Variants in SKAP1 observed in about 807,000 individuals in gnomAD.
The protein encoded by SKAP1 is src kinase-associated phosphoprotein 1.
In SKAP1, 44 loss-of-function variants were observed where a neutral mutation model predicts 58.5. The ratio of observed to expected loss-of-function variants is 0.75; its 90% CI spans 0.59 to 0.97. SKAP1 has a LOEUF of 0.97. SKAP1 is among the 50% of genes least tolerant of loss of function. The probability of loss-of-function intolerance (pLI) is 0.00; values close to 1 mark genes in which losing one functional copy is unlikely to be tolerated. For missense variants in SKAP1, 390 were observed against 435.2 expected (o/e 0.90, Z 0.92); for synonymous variants, 127 against 149.7 (o/e 0.85, Z 1.11).
chr17:48,368,209 A>T (rs2067035168), intron 2 of SKAP1, among the ~76,000 whole-genome samples: 2 of 152,184 alleles, frequency 1.3e-5, no homozygotes, highest in Admixed American at 1.3e-4. Context: ...TCCCTGCTGG[A>T]CACCTTTAAG....
At chr17:48,365,217 G>A (rs1449389465) in intron 2 of SKAP1, among the ~76,000 whole-genome samples, 47 of 151,872 alleles carry the variant, frequency 3.1e-4, no homozygotes, top group Non-Finnish European at 1.5e-5. Flanking sequence ...CAAAGTGTTG[G>A]GATTGCAGGG....
chr17:48,206,929 G>A (rs960478193), intron 4 of SKAP1, among the ~76,000 whole-genome samples: 21 of 152,086 alleles, frequency 1.4e-4, no homozygotes, highest in Admixed American at 1.3e-3. Context: ...GGGACTACAG[G>A]TACACACCAT....
intron 2 of SKAP1, among the ~76,000 whole-genome samples, chr17:48,370,292 C>T (rs1020605258): frequency 3.3e-5 from 5 of 152,020 alleles, no homozygotes; most frequent in South Asian, 2.1e-4. Flanking sequence ...TCACACCAAT[C>T]AGAATGGCTA....
chr17:48,434,699 A>C (rs1212576305), upstream of SKAP1, among the ~76,000 whole-genome samples: 7 of 152,182 alleles, frequency 4.6e-5, no homozygotes, highest in Non-Finnish European at 1.0e-4. Context: ...CAGACCCAGC[A>C]CTATACCCAG....
At chr17:48,281,590 T>G (rs17621689) in intron 4 of SKAP1, among the ~76,000 whole-genome samples, 12,778 of 152,296 alleles carry the variant, frequency 0.084, 700 homozygotes, top group East Asian at 0.2. Context: ...AAGGAAAATC[T>G]AATTTAGGTA....
intron 4 of SKAP1, among the ~76,000 whole-genome samples, chr17:48,246,834 A>T (rs1446588643): frequency 1.3e-5 from 2 of 152,206 alleles, no homozygotes; most frequent in African/African-American, 4.8e-5. Flanking sequence ...TGGGTGCATA[A>T]CTTATCTCCC....
At chr17:48,233,435 G>C (rs2065145463) in intron 4 of SKAP1, among the ~76,000 whole-genome samples, 1 of 152,166 alleles carries the variant, frequency 6.6e-6, no homozygotes, top group Non-Finnish European at 1.5e-5. Flanking sequence ...CAAAGGTTTG[G>C]TGATGGAACT....
chr17:48,179,153 C>T (rs537657126), intron 9 of SKAP1, among the ~76,000 whole-genome samples: 4 of 152,318 alleles, frequency 2.6e-5, no homozygotes, highest in Admixed American at 2.6e-4. Flanking sequence ...GATTGAGGTT[C>T]ATCTGGGTTC....
intron 4 of SKAP1, among the ~76,000 whole-genome samples, chr17:48,322,957 G>A (rs780841116): frequency 5.9e-5 from 9 of 151,370 alleles, no homozygotes; most frequent in African/African-American, 1.7e-4. Flanking sequence ...TTAGCCAGGC[G>A]TGGTGGCATG....
intron 4 of SKAP1, among the ~76,000 whole-genome samples, chr17:48,261,534 C>CG (rs1363805888): frequency 6.6e-6 from 1 of 152,078 alleles, no homozygotes; most frequent in Non-Finnish European, 1.5e-5. Context: ...GTGTGATGGG[C>CG]GGTCACCTAG....
At chr17:48,281,774 T>C (rs1348960399) in intron 4 of SKAP1, among the ~76,000 whole-genome samples, 1 of 152,052 alleles carries the variant, frequency 6.6e-6, no homozygotes, top group Non-Finnish European at 1.5e-5. Flanking sequence ...AATGAGAAAA[T>C]ATATGCCATT....
chr17:48,234,697 A>T (rs2065160938), intron 4 of SKAP1, among the ~76,000 whole-genome samples: 1 of 152,032 alleles, frequency 6.6e-6, no homozygotes, highest in African/African-American at 2.4e-5. Context: ...TAAGAAATAC[A>T]TTCTATTTTC....
At chr17:48,360,142 TA>T (rs1005101044) in intron 3 of SKAP1, among the ~76,000 whole-genome samples, 3 of 151,932 alleles carry the variant, frequency 2.0e-5, no homozygotes, top group East Asian at 1.9e-4. Flanking sequence ...GACCACTGGA[TA>T]AAAAAAAGAT....
At chr17:48,168,293 T>C (rs1374436474) in intron 10 of SKAP1, among the ~76,000 whole-genome samples, 1 of 152,202 alleles carries the variant, frequency 6.6e-6, no homozygotes, top group Admixed American at 6.5e-5. Flanking sequence ...CCATAGCATC[T>C]TTTGGGAAAA....
intron 4 of SKAP1, among the ~76,000 whole-genome samples, chr17:48,250,669 A>G (rs1645589867): frequency 6.6e-6 from 1 of 152,120 alleles, no homozygotes; most frequent in Non-Finnish European, 1.5e-5. Flanking sequence ...TCTAAAAAAA[A>G]ATAGTGTTTT....
chr17:48,271,783 T>C (rs2065636504), intron 4 of SKAP1, among the ~76,000 whole-genome samples: 1 of 152,198 alleles, frequency 6.6e-6, no homozygotes, highest in Non-Finnish European at 1.5e-5. Context: ...CTGATTTGAC[T>C]TGGGTGAGGA....
intron 4 of SKAP1, among the ~76,000 whole-genome samples, chr17:48,341,247 A>G (rs2066647518): frequency 6.6e-6 from 1 of 152,222 alleles, no homozygotes; most frequent in East Asian, 1.9e-4. Context: ...CTTTGGCACC[A>G]TGAAATTTAA....
chr17:48,187,460 T>A (rs2064473133), intron 6 of SKAP1, among the ~76,000 whole-genome samples: 1 of 152,244 alleles, frequency 6.6e-6, no homozygotes, highest in African/African-American at 2.4e-5. Context: ...GGCCATTGTT[T>A]AAGTTCTTTA....
At chr17:48,276,892 A>C (rs971881440) in intron 4 of SKAP1, among the ~76,000 whole-genome samples, 2 of 152,214 alleles carry the variant, frequency 1.3e-5, no homozygotes, top group Non-Finnish European at 2.9e-5. Flanking sequence ...GCTTAAAACT[A>C]AGAACACTAA....
Sources: allele counts gnomAD v4.1 joint callset (sites outside exome capture counted in the v4.1 genomes callset), GRCh38; gene constraint gnomAD v4.1.1; transcripts MANE v1.5; gene names NCBI Gene and HGNC (gene_info 2026-07-23, HGNC 2026-07-21).